The following ANKRD7 variants were observed in gnomAD, a reference collection of about 807,000 sequenced individuals.
ANKRD7 encodes ankyrin repeat domain 7, also known as ankyrin repeat domain-containing protein 7.
ANKRD7 carries 30 observed loss-of-function variants against 30.8 expected under a neutral mutation model. The observed-to-expected ratio is 0.97, with a 90% CI of 0.73 to 1.32. ANKRD7 has a LOEUF of 1.32. ANKRD7 is among the 40% of genes most tolerant of loss of function. The pLI is 0.00. For synonymous variants in ANKRD7, 97 were observed against 106.6 expected (o/e 0.91, Z 0.55); for missense variants, 264 against 295.7 (o/e 0.89, Z 0.79).
chr7:118,239,734 T>A (rs1219949812), intron 5 of ANKRD7, 175 bp from the exon 6 acceptor site: 1 of 367,818 alleles, frequency 2.7e-6, no homozygotes, highest in Admixed American at 4.5e-5. Context: ...AGAATGGGAG[T>A]ACATGAAATA....
At chr7:118,232,352 A>G (rs1160503260) in intron 1 of ANKRD7, among the ~76,000 whole-genome samples, 2 of 152,036 alleles carry the variant, frequency 1.3e-5, no homozygotes, top group African/African-American at 4.8e-5. Flanking sequence ...AGGATGACAA[A>G]TATTCTAAGT....
intron 6 of ANKRD7, among the ~76,000 whole-genome samples, chr7:118,241,078 C>T (rs957972049): frequency 2.9e-4 from 40 of 138,252 alleles, no homozygotes; most frequent in African/African-American, 1.0e-3. Context: ...GGCGTGAACC[C>T]GGGAGGCGGA....
At chr7:118,237,658 T>C (rs1352512388) in intron 5 of ANKRD7, among the ~76,000 whole-genome samples, 1 of 151,894 alleles carries the variant, frequency 6.6e-6, no homozygotes, top group Admixed American at 6.6e-5. Flanking sequence ...TTTTTAATCA[T>C]TAATTCCATA....
At position 118,230,616 on chromosome 7, in the gene ANKRD7, G is replaced by A. The variant is rs145490040; in HGVS notation, c.180-3815G>A. On this transcript the variant is annotated intron_variant, in intron 1 of 6. Coordinates refer to ENST00000265224, the MANE Select transcript of ANKRD7 (RefSeq NM_019644.4). ...AGCTGAATGAAAAAAATCTCAAATTGTATATTTCTGTTTGAACGTGTGTGT... is the reference window on the plus strand; with the variant it reads ...AGCTGAATGAAAAAAATCTCAAATTATATATTTCTGTTTGAACGTGTGTGT... Among the ~76,000 whole-genome samples, 42 of 151,406 alleles carry A rather than the reference G, an allele frequency of 2.8e-4. 1 individual carries two copies. In the East Asian group the frequency reaches 7.4e-3, roughly 27 times the overall value.
Position 118,225,009 on chromosome 7 carries a change from G to A in ANKRD7, c.179G>A (p.Arg60Lys). 1 of 1,613,602 alleles carries A rather than the reference G, an allele frequency of 6.2e-7. No homozygotes were observed. Among genetic ancestry groups the A allele is most frequent in the Non-Finnish European group, 8.5e-7 (1 of 1,179,804 alleles). ...YDVNMQDKKY[R>K]TPLHLACANG... The stretch of plus-strand genomic sequence containing the variant: ...GTAAATATGCAGGACAAAAAATACA[G>A]GTGACCAGACTGAAGAGCCAGCGCG... Residue 60 changes from arginine to lysine, a missense_variant and splice_region_variant, in exon 1 of 7, where the codon AGA becomes AAA. By Grantham distance (26) the Arg-to-Lys change is conservative. Transcript: ENST00000265224.
chr7:118,231,286 C>G (rs1201307942), intron 1 of ANKRD7, among the ~76,000 whole-genome samples: 2 of 152,006 alleles, frequency 1.3e-5, no homozygotes, highest in Non-Finnish European at 2.9e-5. Context: ...AGCAGTGTGC[C>G]TAATAAGTTT....
rs921419894 is a variant in ANKRD7 at position 118,239,482 on chromosome 7, C to T, written c.713-427C>T. Among the ~76,000 whole-genome samples, 6 of 152,232 alleles carry T rather than the reference C, an allele frequency of 3.9e-5. No individual in the cohort carries two copies. The East Asian group carries it at 7.7e-4, about 20-fold the overall frequency. ...AGTTATCTAAAAGGCAAATAAATGC[C>T]TGGGACAGATTTTCCCTTAAGGACC... is the stretch of plus-strand genomic sequence containing the variant. On this transcript the variant is annotated intron_variant, in intron 5 of 6. Coordinates refer to ENST00000265224, the MANE Select transcript of ANKRD7 (RefSeq NM_019644.4).
Position 118,239,948 on chromosome 7 carries a change from A to T in ANKRD7, c.752A>T (p.Lys251Ile). ...TTCACTGCGAGCCATGGAAAGAAGA[A>T]ACATGCTAAATAGACACCTTATTCT... ...PQFTASHGKK[K>I]HAK The change falls in exon 6 of 7, where the codon AAA becomes ATA. Residue 251 changes from lysine (K) to isoleucine (I), a missense_variant. Coordinates refer to ENST00000265224, the MANE Select transcript of ANKRD7 (RefSeq NM_019644.4). 2 of 1,598,202 alleles carry T rather than the reference A, an allele frequency of 1.3e-6. No individual in the cohort carries two copies. The highest frequency in any genetic ancestry group is 2.2e-5 in the East Asian group (1 of 44,546).
intron 4 of ANKRD7, 63 bp downstream of exon 4, chr7:118,236,210 A>T: frequency 1.7e-6 from 1 of 604,948 alleles, no homozygotes; most frequent in Non-Finnish European, 2.9e-6. Flanking sequence ...GTGTGTGCGT[A>T]TGTGTGTGTG....
intron 5 of ANKRD7, among the ~76,000 whole-genome samples, chr7:118,237,809 C>T (rs1245458979): frequency 4.6e-5 from 7 of 151,902 alleles, no homozygotes; most frequent in South Asian, 2.1e-4. Flanking sequence ...TTTTCATCTT[C>T]GTAATACAGA....
chr7:118,226,715 C>A (rs1252852358), intron 1 of ANKRD7, among the ~76,000 whole-genome samples: 2 of 152,112 alleles, frequency 1.3e-5, no homozygotes, highest in African/African-American at 4.8e-5. Flanking sequence ...AGACTGATAT[C>A]TACATATATT....
Position 118,237,225 on chromosome 7 carries a change from A to G in ANKRD7, c.712+299A>G, listed in dbSNP as rs371739559. 4.6e-5 allele frequency among the ~76,000 whole-genome samples: 7 copies of G among 152,356 alleles called. No individual in the cohort carries two copies. The South Asian group carries it at 1.2e-3, about 27-fold the overall frequency. On this transcript the variant is annotated intron_variant, in intron 5 of 6. Transcript: ENST00000265224. ...TATAGGTGATAGAGTTGGACAAAAGATGATTCATTCACACAAAGCCTTTCA... is the reference window on the plus strand; with the variant it reads ...TATAGGTGATAGAGTTGGACAAAAGGTGATTCATTCACACAAAGCCTTTCA...
At chr7:118,232,034 T>C (rs1299963614) in intron 1 of ANKRD7, among the ~76,000 whole-genome samples, 2 of 152,148 alleles carry the variant, frequency 1.3e-5, no homozygotes, top group Non-Finnish European at 2.9e-5. Context: ...TTCTCTAAGA[T>C]ATCTGTAAAT....
chr7:118,240,537 G>C (rs1034992460), intron 6 of ANKRD7, among the ~76,000 whole-genome samples: 12 of 152,204 alleles, frequency 7.9e-5, no homozygotes, highest in Non-Finnish European at 1.8e-4. Context: ...GAATATTTGT[G>C]ATTAAAATAT....
intron 3 of ANKRD7, 50 bp from the exon 4 acceptor site, chr7:118,235,991 G>A (rs1374405017): frequency 2.1e-6 from 2 of 971,942 alleles, no homozygotes; most frequent in Non-Finnish European, 3.1e-6. Context: ...AATCTAAAGA[G>A]CATGAAAATT....
chr7:118,239,844 G>C, intron 5 of ANKRD7, 65 bp from the exon 6 acceptor site: 1 of 1,118,160 alleles, frequency 8.9e-7, no homozygotes, highest in Non-Finnish European at 1.3e-6. Flanking sequence ...GTTTTGATTT[G>C]ATACTTATAT....
intron 6 of ANKRD7, among the ~76,000 whole-genome samples, chr7:118,241,741 G>T (rs555836451): frequency 6.6e-6 from 1 of 151,784 alleles, no homozygotes; most frequent in Non-Finnish European, 1.5e-5. Flanking sequence ...GTTTCACCAT[G>T]TTTGCCAGGC....
At position 118,234,376 on chromosome 7, in the gene ANKRD7, T is replaced by A. The variant is rs904993410; in HGVS notation, c.180-55T>A. 102 of 1,246,098 alleles carry A rather than the reference T, an allele frequency of 8.2e-5. No homozygotes were observed. The African/African-American group carries it at 1.5e-3, about 18-fold the overall frequency. The allele number at this position is 1,246,098 out of a possible 1,614,324, so 77.2% of individuals were successfully genotyped here. Reference sequence around the variant, plus strand: ...CTGGCTTGTTTTTGGGTAAAACAAGTAACTTCTCAAACGAAGACTTATCTC... The same window carrying A: ...CTGGCTTGTTTTTGGGTAAAACAAGAAACTTCTCAAACGAAGACTTATCTC... On this transcript the variant is annotated intron_variant, in intron 1 of 6. Transcript: ENST00000265224.
rs1809860615 is a variant in ANKRD7, at chr7:118,242,353, G to C, written c.*42G>C. On this transcript the variant is annotated 3_prime_UTR_variant, in exon 7 of 7. Transcript: ENST00000265224. Reference sequence around the variant, plus strand: ...TAAATATCATTTGTTTCCTAGATATGGAACCCATTTCTACAATTTCTTTGC... The same window carrying C: ...TAAATATCATTTGTTTCCTAGATATCGAACCCATTTCTACAATTTCTTTGC... 1 of 152,056 alleles carries C rather than the reference G, an allele frequency of 6.6e-6. No individual in the cohort carries two copies. Among genetic ancestry groups the C allele is most frequent in the Non-Finnish European group, 1.5e-5 (1 of 68,018 alleles). The allele number at this position is 152,056 out of a possible 1,614,324, so 9.4% of individuals were successfully genotyped here.
Sources: allele counts gnomAD v4.1 joint callset (sites outside exome capture counted in the v4.1 genomes callset), GRCh38; gene constraint gnomAD v4.1.1; transcripts MANE v1.5; gene names NCBI Gene and HGNC (gene_info 2026-07-23, HGNC 2026-07-21).